SLC52A2: variants seen among roughly 807,000 people sequenced by gnomAD.
The protein encoded by SLC52A2 is solute carrier family 52, riboflavin transporter, member 2.
Under a neutral mutation model 24.8 loss-of-function variants are expected in SLC52A2, and 16 were observed. The observed-to-expected ratio is 0.64, with a 90% CI of 0.44 to 0.98. The LOEUF (loss-of-function observed/expected upper bound fraction) is 0.98. SLC52A2 is among the 50% of genes least tolerant of loss of function. The probability of loss-of-function intolerance (pLI) is 0.00; values close to 1 mark genes in which losing one functional copy is unlikely to be tolerated. For missense variants in SLC52A2, 612 were observed against 575.9 expected, an observed-to-expected ratio of 1.06 and a Z score of -0.64; for synonymous variants, 335 against 276.3, an observed-to-expected ratio of 1.21 and a Z score of -2.11.
Position 144,360,089 on chromosome 8 carries a change from A to G in SLC52A2, c.597A>G (p.Ala199=), listed in dbSNP as rs1818750442. The G allele has an allele frequency of 6.2e-7, 1 of 1,612,856 alleles. No individual in the cohort carries two copies. The highest frequency in any genetic ancestry group is 8.5e-7 in the Non-Finnish European group (1 of 1,180,002). Residue 199 remains alanine, a synonymous_variant, in exon 3 of 5, where the codon GCA becomes GCG. Coordinates refer to ENST00000643944, the MANE Select transcript of SLC52A2 (RefSeq NM_001363118.2). ...ERFPASTFFW[A]LTALLVASAA... Reference sequence around the variant, plus strand: ...TTCCCGCCAGCACCTTCTTCTGGGCACTGACTGCCCTTCTGGTCGCTTCAG... The same window carrying G: ...TTCCCGCCAGCACCTTCTTCTGGGCGCTGACTGCCCTTCTGGTCGCTTCAG...
In SLC52A2 at chr8:144,360,882, G is replaced by GGCCGGCATTGCTGGCA; in HGVS notation, c.1212_1227dup (p.Val410IlefsTer40). On this transcript the variant is annotated frameshift_variant, in exon 5 of 5. Coordinates refer to ENST00000643944, the MANE Select transcript of SLC52A2 (RefSeq NM_001363118.2). LOFTEE classifies it low-confidence loss of function (END_TRUNC). ...AGCTCCCTGCTGCATGGCGGGGGCC[G>GGCCGGCATTGCTGGCA]GCCGGCATTGCTGGCAGCCGGCGTG... is the stretch of plus-strand genomic sequence containing the variant. 6.2e-7 allele frequency: 1 copy of GGCCGGCATTGCTGGCA among 1,612,944 alleles called. No individual in the cohort carries two copies. The highest frequency in any genetic ancestry group is 8.5e-7 in the Non-Finnish European group (1 of 1,179,910).
In SLC52A2 at chr8:144,361,109, C is replaced by T; in HGVS notation, c.*94C>T. 2 of 1,279,502 alleles carry T rather than the reference C, an allele frequency of 1.6e-6. No individual in the cohort carries two copies. Among genetic ancestry groups the T allele is most frequent in the East Asian group, 2.3e-5 (1 of 43,082 alleles). 79.3% of individuals were successfully genotyped at this position (1,279,502 alleles called of 1,614,324 possible). A position where few individuals can be genotyped will look rare whatever the true frequency, so the allele number is the denominator to read the frequency against. Reference sequence around the variant, plus strand: ...GCCTGCAGCCCAGGAGGCCCGCACACCGGTACACTCGTGGACACCTACACA... The same window carrying T: ...GCCTGCAGCCCAGGAGGCCCGCACATCGGTACACTCGTGGACACCTACACA... On this transcript the variant is annotated 3_prime_UTR_variant, in exon 5 of 5. Transcript: ENST00000643944.
intron 2 of SLC52A2, 72 bp downstream of exon 2, chr8:144,359,495 C>A (rs1392803958): frequency 6.2e-7 from 1 of 1,613,550 alleles, no homozygotes; most frequent in Non-Finnish European, 8.5e-7. Flanking sequence ...GTGGAGCTAC[C>A]TGTGGTGGTC....
At chr8:144,359,475 T>C in intron 2 of SLC52A2, 52 bp downstream of exon 2, 2 of 1,613,662 alleles carry the variant, frequency 1.2e-6, no homozygotes, top group Non-Finnish European at 1.7e-6. Context: ...CTGCGGTCAG[T>C]GGGATCTGGG....
Position 144,358,782 on chromosome 8 carries a change from CG to C in SLC52A2, c.-392del. On this transcript the variant is annotated 5_prime_UTR_variant, in exon 1 of 5. Coordinates refer to ENST00000643944, the MANE Select transcript of SLC52A2 (RefSeq NM_001363118.2). ...GACGGCTCCCGAGTCGCCCACCTGA[CG>C]GTACCGAGAGGGCGGCGCCCCTCCG... The C allele has an allele frequency of 3.8e-6, 1 of 266,658 alleles. No individual in the cohort carries two copies. Among genetic ancestry groups the C allele is most frequent in the Non-Finnish European group, 7.1e-6 (1 of 141,454 alleles). The allele number at this position is 266,658 out of a possible 1,614,324, so 16.5% of individuals were successfully genotyped here. A position where few individuals can be genotyped will look rare whatever the true frequency, so the allele number is the denominator to read the frequency against.
Position 144,359,185 on chromosome 8 carries a change from TAGAAGAAGTCTTCACTTCCCAGG to T in SLC52A2, c.-105_-83del. 6.8e-7 allele frequency: 1 copy of T among 1,480,882 alleles called. No individual in the cohort carries two copies. Among genetic ancestry groups the T allele is most frequent in the Non-Finnish European group, 9.0e-7 (1 of 1,107,022 alleles). 91.7% of individuals were successfully genotyped at this position (1,480,882 alleles called of 1,614,324 possible). A position where few individuals can be genotyped will look rare whatever the true frequency, so the allele number is the denominator to read the frequency against. On this transcript the variant is annotated splice_region_variant and 5_prime_UTR_variant, in exon 2 of 5. Transcript: ENST00000643944. ...ATCTGTTTCTCTGTTTCTTTCAAGC[TAGAAGAAGTCTTCACTTCCCAGG>T]AGAGCCAAAGCGTGTCTGGCCCTAG... is the stretch of plus-strand genomic sequence containing the variant.
At position 144,359,289 on chromosome 8, in the gene SLC52A2, G is replaced by C. The variant is rs1554853723; in HGVS notation, c.-5G>C. 1.9e-6 allele frequency: 3 copies of C among 1,610,258 alleles called. No homozygotes were observed. In the East Asian group the frequency reaches 6.7e-5, roughly 36 times the overall value. ...CTGACCTGGAAGGGCCCAGCCTTGG[G>C]CTGAATGGCAGCACCCACGCCCGCC... On this transcript the variant is annotated 5_prime_UTR_variant, in exon 2 of 5. Coordinates refer to ENST00000643944, the MANE Select transcript of SLC52A2 (RefSeq NM_001363118.2).
Position 144,359,323 on chromosome 8 carries a change from G to A in SLC52A2, c.30G>A (p.Val10=), listed in dbSNP as rs782715130. The change falls in exon 2 of 5, where the codon GTG becomes GTA. Residue 10 remains valine (V), a synonymous_variant. Coordinates refer to ENST00000643944, the MANE Select transcript of SLC52A2 (RefSeq NM_001363118.2). MAAPTPARP[V]LTHLLVALFG... ...CAGCACCCACGCCCGCCCGTCCGGT[G>A]CTGACCCACCTGCTGGTGGCTCTCT... 1.9e-6 allele frequency: 3 copies of A among 1,613,726 alleles called. No homozygotes were observed. The highest frequency in any genetic ancestry group is 4.5e-5 in the East Asian group (2 of 44,902).
rs373923619 is a variant in SLC52A2, at chr8:144,360,201, G to A, written c.709G>A (p.Ala237Thr). 14 of 1,612,786 alleles carry A rather than the reference G, an allele frequency of 8.7e-6. No individual in the cohort carries two copies. The highest frequency in any genetic ancestry group is 1.2e-5 in the Non-Finnish European group (14 of 1,180,012). ...GTTAGGATCAGGCCTCCAGGTGGGA[G>A]CCCCAGGAGCAGAGGAAGAGGTGGA... is the stretch of plus-strand genomic sequence containing the variant. ...GELGSGLQVGAPGAEEEVEES... is the reference protein window; with the variant it reads ...GELGSGLQVGTPGAEEEVEES... The change falls in exon 3 of 5, where the codon GCC (alanine) becomes ACC (threonine). Residue 237 changes from alanine to threonine, a missense_variant. Transcript: ENST00000643944.
At position 144,360,171 on chromosome 8, in the gene SLC52A2, G is replaced by A. The variant is rs781816242; in HGVS notation, c.679G>A (p.Gly227Arg). 6.8e-6 allele frequency: 11 copies of A among 1,612,788 alleles called. No individual in the cohort carries two copies. In the East Asian group the frequency reaches 2.4e-4, roughly 36 times the overall value. Residue 227 changes from glycine (G) to arginine (R), a missense_variant, in exon 3 of 5, where the codon GGG becomes AGG. Gly to Arg is a moderately radical substitution (Grantham distance 125). Transcript: ENST00000643944. The part of the protein sequence containing the change: ...LLPPPPSVPT[G>R]ELGSGLQVGA... ...GCCGCCACCACCATCTGTACCCACA[G>A]GGGAGTTAGGATCAGGCCTCCAGGT...
In SLC52A2 at chr8:144,361,139, A is replaced by C; in HGVS notation, c.*124A>C. 3 of 1,001,166 alleles carry C rather than the reference A, an allele frequency of 3.0e-6. No individual in the cohort carries two copies. Among genetic ancestry groups the C allele is most frequent in the Non-Finnish European group, 4.4e-6 (3 of 676,430 alleles). 62.0% of individuals were successfully genotyped at this position (1,001,166 alleles called of 1,614,324 possible). ...ACACTCGTGGACACCTACACACTCC[A>C]TAGGAGATCCTGGCTTTCCAGGGTG... On this transcript the variant is annotated 3_prime_UTR_variant, in exon 5 of 5. Coordinates refer to ENST00000643944, the MANE Select transcript of SLC52A2 (RefSeq NM_001363118.2).
rs928360586 is a variant in SLC52A2 at position 144,360,768 on chromosome 8, C to T, written c.1126-35C>T. On this transcript the variant is annotated intron_variant, in intron 4 of 4. Coordinates refer to ENST00000643944, the MANE Select transcript of SLC52A2 (RefSeq NM_001363118.2). ...GGGGGGCGTTGCCCTGGAGCAGGCA[C>T]ATCTCACGCTCAGCTGGTGCTGTGT... 3.6e-5 allele frequency: 58 copies of T among 1,607,924 alleles called. 1 individual carries two copies. The highest frequency in any genetic ancestry group is 4.9e-5 in the Non-Finnish European group (58 of 1,175,994).
Position 144,360,588 on chromosome 8 carries a change from A to G in SLC52A2, c.1002-2A>G, listed in dbSNP as rs1818808978. On this transcript the variant is annotated splice_acceptor_variant, in intron 3 of 4. Transcript: ENST00000643944. LOFTEE classifies it high-confidence loss of function. ...CCCTGACATTCTGCTCGCTCACTGC[A>G]GGTCCTTGGCAGGGCTGGGCGGCCT... 2 of 1,598,832 alleles carry G rather than the reference A, an allele frequency of 1.3e-6. No individual in the cohort carries two copies. The highest frequency in any genetic ancestry group is 1.3e-5 in the African/African-American group (1 of 74,862).
Position 144,359,163 on chromosome 8 carries a change from T to C in SLC52A2, c.-110-21T>C. 1.4e-6 allele frequency: 2 copies of C among 1,391,652 alleles called. 1 individual carries two copies. The highest frequency in any genetic ancestry group is 1.9e-6 in the Non-Finnish European group (2 of 1,036,142). 86.2% of individuals were successfully genotyped at this position (1,391,652 alleles called of 1,614,324 possible). Reference sequence around the variant, plus strand: ...TCTGACTCCGGCTCTGCATCCTATCTGTTTCTCTGTTTCTTTCAAGCTAGA... The same window carrying C: ...TCTGACTCCGGCTCTGCATCCTATCCGTTTCTCTGTTTCTTTCAAGCTAGA... On this transcript the variant is annotated intron_variant, in intron 1 of 4. Transcript: ENST00000643944.
At position 144,360,588 on chromosome 8, in the gene SLC52A2, A is replaced by T; in HGVS notation, c.1002-2A>T. 1 of 1,598,952 alleles carries T rather than the reference A, an allele frequency of 6.3e-7. No homozygotes were observed. The highest frequency in any genetic ancestry group is 8.5e-7 in the Non-Finnish European group (1 of 1,177,618). On this transcript the variant is annotated splice_acceptor_variant, in intron 3 of 4. Transcript: ENST00000643944. LOFTEE classifies it high-confidence loss of function. ...CCCTGACATTCTGCTCGCTCACTGC[A>T]GGTCCTTGGCAGGGCTGGGCGGCCT...
chr8:144,359,009 G>A lies in SLC52A2; in HGVS notation c.-167G>A, dbSNP rs1198583917. On this transcript the variant is annotated 5_prime_UTR_variant, in exon 1 of 5. Transcript: ENST00000643944. ...CTCGCTCCTTCGGCCTCCTCCCCTG[G>A]GGCCGCAGCGACTCGGGCCGGCTTC... 1.7e-5 allele frequency: 7 copies of A among 402,178 alleles called. No homozygotes were observed. The highest frequency in any genetic ancestry group is 3.1e-5 in the Non-Finnish European group (7 of 223,620). 24.9% of individuals were successfully genotyped at this position (402,178 alleles called of 1,614,324 possible).
intron 3 of SLC52A2, 44 bp from the exon 4 acceptor site, chr8:144,360,546 G>T (rs1554854387): frequency 1.4e-5 from 22 of 1,581,448 alleles, no homozygotes; most frequent in Non-Finnish European, 1.9e-5. Context: ...CTAGGAGCCA[G>T]GTCCTGGCGC....
chr8:144,359,924 A>G lies in SLC52A2; in HGVS notation c.432A>G (p.Leu144=). The change falls in exon 3 of 5, where the codon TTA becomes TTG. Residue 144 remains leucine, a synonymous_variant. Coordinates refer to ENST00000643944, the MANE Select transcript of SLC52A2 (RefSeq NM_001363118.2). The part of the protein sequence containing the change: ...PFLSHLPPRF[L]RSFFLGQGLS... Reference sequence around the variant, plus strand: ...TGAGCCACCTGCCACCTCGCTTCTTACGGTCATTCTTCCTGGGTCAAGGCC... The same window carrying G: ...TGAGCCACCTGCCACCTCGCTTCTTGCGGTCATTCTTCCTGGGTCAAGGCC... 1 of 1,613,480 alleles carries G rather than the reference A, an allele frequency of 6.2e-7. No individual in the cohort carries two copies. Among genetic ancestry groups the G allele is most frequent in the Non-Finnish European group, 8.5e-7 (1 of 1,179,984 alleles).
rs782591841 is a variant in SLC52A2, at chr8:144,359,789, G to C, written c.297G>C (p.Trp99Cys). The change falls in exon 3 of 5, where the codon TGG becomes TGC. Residue 99 changes from tryptophan (W) to cysteine (C), a missense_variant. Coordinates refer to ENST00000643944, the MANE Select transcript of SLC52A2 (RefSeq NM_001363118.2). Reference protein sequence around the residue: ...MVGTALLASLWHHVAPVAGQL... With the variant: ...MVGTALLASLCHHVAPVAGQL... The stretch of plus-strand genomic sequence containing the variant: ...GCACAGCCCTGCTGGCCTCTCTGTG[G>C]CACCATGTGGCCCCAGTGGCAGGAC... The C allele has an allele frequency of 4.3e-5, 70 of 1,613,588 alleles. 1 individual carries two copies. Among genetic ancestry groups the C allele is most frequent in the South Asian group, 3.6e-4 (33 of 91,096 alleles).
Sources: gnomAD v4.1 joint callset for allele counts on GRCh38, gnomAD v4.1.1 for gene constraint, MANE v1.5 for transcripts, NCBI Gene and HGNC (gene_info 2026-07-23, HGNC 2026-07-21) for gene names.